Variants in TNFSF15 observed in about 807,000 individuals in gnomAD.
The protein encoded by TNFSF15 is TNF superfamily member 15.
Under a neutral mutation model 26.4 loss-of-function variants are expected in TNFSF15, and 15 were observed. The observed-to-expected ratio is 0.57, with a 90% confidence interval of 0.38 to 0.87. TNFSF15 has a LOEUF of 0.87. Among genes scored for constraint, TNFSF15 ranks in the 40% least tolerant of loss-of-function variants. The pLI, the probability that TNFSF15 is intolerant of heterozygous loss-of-function variation, is 0.00. For synonymous variants in TNFSF15, 116 were observed against 115.0 expected, an observed-to-expected ratio of 1.01 and a Z score of -0.06; for missense variants, 290 against 306.1, an observed-to-expected ratio of 0.95 and a Z score of 0.39.
Position 114,786,911 on chromosome 9 carries a change from C to CAAAAAAAAAAAAA in TNFSF15, c.*3528_*3540dup, listed in dbSNP as rs11429963. On this transcript the variant is annotated 3_prime_UTR_variant, in exon 4 of 4. Coordinates refer to ENST00000374045, the MANE Select transcript of TNFSF15 (RefSeq NM_005118.4). ...TGGGTGACAAAGCAAGACTCTGTCT[C>CAAAAAAAAAAAAA]AAAAAAAAAAAAAAAAAAAAAGAAA... The CAAAAAAAAAAAAA allele has an allele frequency of 1.2e-5, 1 of 80,324 alleles. No homozygotes were observed. The highest frequency in any genetic ancestry group is 2.4e-5 in the Non-Finnish European group (1 of 41,364). The allele number at this position is 80,324 out of a possible 1,614,324, so 5.0% of individuals were successfully genotyped here. A position where few individuals can be genotyped will look rare whatever the true frequency, so the allele number is the denominator to read the frequency against.
In TNFSF15 at chr9:114,792,405, A is replaced by G; in HGVS notation, c.301+2T>C. 2 of 1,613,930 alleles carry G rather than the reference A, an allele frequency of 1.2e-6. No individual in the cohort carries two copies. Among genetic ancestry groups the G allele is most frequent in the Non-Finnish European group, 1.7e-6 (2 of 1,179,892 alleles). On this transcript the variant is annotated splice_donor_variant, in intron 3 of 3. Transcript: ENST00000374045. LOFTEE classifies it high-confidence loss of function. ...CCCGTAAAACACAGCAGGGAGGCTT[A>G]CCTGTCAGGTGTGCCCTTGGCTTAT...
At chr9:114,798,251 G>A (rs1410322398) in intron 1 of TNFSF15, among the ~76,000 whole-genome samples, 6 of 152,146 alleles carry the variant, frequency 3.9e-5, no homozygotes, top group Non-Finnish European at 8.8e-5. Context: ...ATCTTAGAGG[G>A]AGATGGGATG....
At position 114,792,430 on chromosome 9, in the gene TNFSF15, T is replaced by C; in HGVS notation, c.278A>G (p.Asp93Gly). ...QVYAPLRADGDKPRAHLTVVR... is the reference protein window; with the variant it reads ...QVYAPLRADGGKPRAHLTVVR... ...ACCTGTCAGGTGTGCCCTTGGCTTATCTCCGTCTGCTCTAAGAGGTGCATC... is the reference window on the plus strand; with the variant it reads ...ACCTGTCAGGTGTGCCCTTGGCTTACCTCCGTCTGCTCTAAGAGGTGCATC... Residue 93 changes from aspartate to glycine, a missense_variant, in exon 3 of 4, where the codon GAT (aspartate) becomes GGT (glycine). Asp to Gly is a moderately conservative substitution (Grantham distance 94). Around this residue, in one of 3 missense-constraint regions of TNFSF15, gnomAD observed 179 missense variants for 165.9 expected, o/e 1.08. Coordinates refer to ENST00000374045, the MANE Select transcript of TNFSF15 (RefSeq NM_005118.4). 1 of 1,614,152 alleles carries C rather than the reference T, an allele frequency of 6.2e-7. No homozygotes were observed. Among genetic ancestry groups the C allele is most frequent in the Non-Finnish European group, 8.5e-7 (1 of 1,179,982 alleles).
At position 114,790,307 on chromosome 9, in the gene TNFSF15, C is replaced by T. The variant is rs1829574091; in HGVS notation, c.*145G>A. 1.2e-6 allele frequency: 1 copy of T among 814,112 alleles called. No individual in the cohort carries two copies. The highest frequency in any genetic ancestry group is 1.9e-6 in the Non-Finnish European group (1 of 525,422). 50.4% of individuals were successfully genotyped at this position (814,112 alleles called of 1,614,324 possible). On this transcript the variant is annotated 3_prime_UTR_variant, in exon 4 of 4. Coordinates refer to ENST00000374045, the MANE Select transcript of TNFSF15 (RefSeq NM_005118.4). ...CACATGAAGTGTGAAATTTTGGGCCCCAAATTTCATAGCTAAACCGTTGTC... is the reference window on the plus strand; with the variant it reads ...CACATGAAGTGTGAAATTTTGGGCCTCAAATTTCATAGCTAAACCGTTGTC...
intron 1 of TNFSF15, among the ~76,000 whole-genome samples, chr9:114,801,890 A>G (rs1485692817): frequency 6.6e-6 from 1 of 152,352 alleles, no homozygotes; most frequent in East Asian, 1.9e-4. Flanking sequence ...TCCCTTGCTG[A>G]CAAGCCACCC....
intron 1 of TNFSF15, among the ~76,000 whole-genome samples, chr9:114,798,172 T>G (rs1277311348): frequency 1.3e-5 from 2 of 152,176 alleles, no homozygotes; most frequent in East Asian, 3.9e-4. Context: ...TAGAAAGATT[T>G]GTTGTAAGTG....
In TNFSF15 at chr9:114,784,701, C is replaced by T. The variant is rs1272299653; in HGVS notation, c.*5751G>A. 6.6e-6 allele frequency: 1 copy of T among 152,176 alleles called. No individual in the cohort carries two copies. The highest frequency in any genetic ancestry group is 1.5e-5 in the Non-Finnish European group (1 of 68,032). The allele number at this position is 152,176 out of a possible 1,614,324, so 9.4% of individuals were successfully genotyped here. On this transcript the variant is annotated 3_prime_UTR_variant, in exon 4 of 4. Coordinates refer to ENST00000374045, the MANE Select transcript of TNFSF15 (RefSeq NM_005118.4). ...AAGTTACATCTATTAAATATATTAA[C>T]ACATACAACATTTCATTTACAGAGA...
Position 114,784,865 on chromosome 9 carries a change from GT to G in TNFSF15, c.*5586del, listed in dbSNP as rs1829470488. The G allele has an allele frequency of 6.6e-6, 1 of 152,168 alleles. No individual in the cohort carries two copies. The highest frequency in any genetic ancestry group is 1.5e-5 in the Non-Finnish European group (1 of 68,018). 9.4% of individuals were successfully genotyped at this position (152,168 alleles called of 1,614,324 possible). Reference sequence around the variant, plus strand: ...AAATCAATGAAAGCACATGGGGTTTGTCACTAAAACCACATAAACACCTACA... The same window carrying G: ...AAATCAATGAAAGCACATGGGGTTTGCACTAAAACCACATAAACACCTACA... On this transcript the variant is annotated 3_prime_UTR_variant, in exon 4 of 4. Coordinates refer to ENST00000374045, the MANE Select transcript of TNFSF15 (RefSeq NM_005118.4).
At chr9:114,796,471 G>A (rs1221562110) in intron 1 of TNFSF15, among the ~76,000 whole-genome samples, 1 of 152,210 alleles carries the variant, frequency 6.6e-6, no homozygotes, top group Non-Finnish European at 1.5e-5. Flanking sequence ...TCCCAGCCAT[G>A]AGAGGCAACC....
intron 1 of TNFSF15, among the ~76,000 whole-genome samples, chr9:114,799,841 C>T (rs1248782331): frequency 6.6e-6 from 1 of 152,152 alleles, no homozygotes; most frequent in Non-Finnish European, 1.5e-5. Context: ...GCTTGCTTGC[C>T]CTTCCTGCCT....
At chr9:114,795,199 C>T in intron 1 of TNFSF15, among the ~76,000 whole-genome samples, 1 of 152,084 alleles carries the variant, frequency 6.6e-6, no homozygotes, top group Non-Finnish European at 1.5e-5. Context: ...AAAAATAAAA[C>T]AAAATTTATG....
chr9:114,787,366 A>C lies in TNFSF15; in HGVS notation c.*3086T>G, dbSNP rs959433606. ...AGTTTACGAATTAATTAGCTAATACAACCAAAATAAATTAAAGAATCTGCA... is the reference window on the plus strand; with the variant it reads ...AGTTTACGAATTAATTAGCTAATACCACCAAAATAAATTAAAGAATCTGCA... On this transcript the variant is annotated 3_prime_UTR_variant, in exon 4 of 4. Transcript: ENST00000374045. 6.6e-6 allele frequency: 1 copy of C among 152,230 alleles called. No homozygotes were observed. Among genetic ancestry groups the C allele is most frequent in the African/African-American group, 2.4e-5 (1 of 41,456 alleles). 9.4% of individuals were successfully genotyped at this position (152,230 alleles called of 1,614,324 possible). A position where few individuals can be genotyped will look rare whatever the true frequency, so the allele number is the denominator to read the frequency against.
chr9:114,794,738 C>T (rs1303520028), intron 1 of TNFSF15, among the ~76,000 whole-genome samples: 1 of 152,134 alleles, frequency 6.6e-6, no homozygotes, highest in South Asian at 2.1e-4. Flanking sequence ...ATGGATAGAA[C>T]TGGAGGTCAT....
chr9:114,792,930 A>C (rs1202900537), intron 2 of TNFSF15, among the ~76,000 whole-genome samples: 2 of 152,172 alleles, frequency 1.3e-5, no homozygotes, highest in Non-Finnish European at 2.9e-5. Flanking sequence ...TGGGATGAAG[A>C]GTGGATGGGA....
chr9:114,793,374 G>A (rs1032966092), intron 2 of TNFSF15, 152 bp downstream of exon 2: 1 of 871,090 alleles, frequency 1.1e-6, no homozygotes, highest in African/African-American at 1.7e-5. Flanking sequence ...CCTTCTTAGT[G>A]CCTGCAGCAG....
chr9:114,795,149 ACC>A (rs1829658258), intron 1 of TNFSF15, among the ~76,000 whole-genome samples: 1 of 152,150 alleles, frequency 6.6e-6, no homozygotes, highest in African/African-American at 2.4e-5. Flanking sequence ...TATCACATGT[ACC>A]CCACACGTAT....
intron 2 of TNFSF15, chr9:114,792,659 A>G: frequency 8.2e-7 from 1 of 1,220,212 alleles, no homozygotes; most frequent in Non-Finnish European, 1.1e-6. Context: ...CAGAAGAAAG[A>G]GTCTTGAACA....
intron 2 of TNFSF15, 144 bp from the exon 3 acceptor site, chr9:114,792,598 T>C (rs1829621598): frequency 1.3e-6 from 2 of 1,521,460 alleles, no homozygotes; most frequent in Admixed American, 2.0e-5. Flanking sequence ...TTGCAGGATT[T>C]TGGATTGGAA....
chr9:114,798,532 G>T (rs1210989889), intron 1 of TNFSF15, among the ~76,000 whole-genome samples: 1 of 152,168 alleles, frequency 6.6e-6, no homozygotes, highest in African/African-American at 2.4e-5. Context: ...GCCAGGTCCT[G>T]TATTGGGCAT....
Sources: allele counts gnomAD v4.1 joint callset (sites outside exome capture counted in the v4.1 genomes callset), GRCh38; gene constraint gnomAD v4.1.1; regional missense constraint gnomAD v4.1.1; transcripts MANE v1.5; gene names NCBI Gene and HGNC (gene_info 2026-07-23, HGNC 2026-07-21).